The following IL1RAPL1 variants were observed in gnomAD, a reference collection of about 807,000 sequenced individuals.
The protein encoded by IL1RAPL1 is interleukin-1 receptor accessory protein-like 1.
IL1RAPL1 carries 3 observed loss-of-function variants against 48.4 expected under a neutral mutation model. That is an observed-to-expected ratio of 0.06 (90% CI 0.03 to 0.16). IL1RAPL1 has a LOEUF of 0.16. IL1RAPL1 is among the 10% of genes least tolerant of loss of function. The pLI is 1.00. For synonymous variants in IL1RAPL1, 185 were observed against 187.7 expected (o/e 0.99, Z 0.12); for missense variants, 349 against 530.6 (o/e 0.66, Z 3.36).
intron 2 of IL1RAPL1, among the ~76,000 whole-genome samples, chrX:28,974,503 T>A (rs5985934): frequency 9.0e-6 from 1 of 111,123 alleles, no homozygotes; most frequent in South Asian, 3.7e-4. Flanking sequence ...TCAAGAAACC[T>A]CTGTTAATCT....
At chrX:28,987,501 T>C (rs987112143) in intron 2 of IL1RAPL1, among the ~76,000 whole-genome samples, 2 of 111,718 alleles carry the variant, frequency 1.8e-5, no homozygotes, top group Non-Finnish European at 3.8e-5. Context: ...AACAGACACA[T>C]ATTTATACAC....
intron 2 of IL1RAPL1, among the ~76,000 whole-genome samples, chrX:29,144,517 C>T (rs1317652259): frequency 1.0e-5 from 1 of 99,400 alleles, no homozygotes; most frequent in East Asian, 3.3e-4. Context: ...GCAGGAGAAT[C>T]GCTTGAACCT....
At chrX:28,799,772 T>C (rs1049616182) in intron 2 of IL1RAPL1, among the ~76,000 whole-genome samples, 6 of 111,610 alleles carry the variant, frequency 5.4e-5, no homozygotes, top group South Asian at 7.4e-4. Flanking sequence ...TAGGATCTAG[T>C]GAGTGTTTGG....
At chrX:29,358,642 GCTAATTAAC>G (rs929114332) in intron 3 of IL1RAPL1, among the ~76,000 whole-genome samples, 8 of 110,410 alleles carry the variant, frequency 7.2e-5, no homozygotes, top group African/African-American at 2.3e-4. Context: ...ATTAAATCAA[GCTAATTAAC>G]ATATCCATCA....
At chrX:28,593,341 G>A (rs1400157665) in intron 1 of IL1RAPL1, among the ~76,000 whole-genome samples, 1 of 111,470 alleles carries the variant, frequency 9.0e-6, no homozygotes, top group Non-Finnish European at 1.9e-5. Context: ...TGTGAATAAA[G>A]CAAAGGGAGA....
rs191568104 is a variant in IL1RAPL1 at position 29,403,946 on chromosome X, A to G, written c.703+4638A>G. On this transcript the variant is annotated intron_variant, in intron 5 of 10. Coordinates refer to ENST00000378993, the MANE Select transcript of IL1RAPL1 (RefSeq NM_014271.4). Reference sequence around the variant, plus strand: ...GCCTTACAGACTTCACTCATTTCCAAAGTTGCTAAGGTCAGCACCTTTCCC... The same window carrying G: ...GCCTTACAGACTTCACTCATTTCCAGAGTTGCTAAGGTCAGCACCTTTCCC... Among the ~76,000 whole-genome samples, 3 of 112,351 alleles carry G rather than the reference A, an allele frequency of 2.7e-5. No individual in the cohort carries two copies. In the Admixed American group the frequency reaches 2.8e-4, roughly 11 times the overall value.
intron 1 of IL1RAPL1, among the ~76,000 whole-genome samples, chrX:28,758,817 A>G (rs1936133281): frequency 2.7e-5 from 3 of 112,228 alleles, no homozygotes; most frequent in South Asian, 3.7e-4. Flanking sequence ...GCACCCACCA[A>G]AAATGTCCTT....
chrX:29,291,860 A>G (rs1020934626), intron 3 of IL1RAPL1, among the ~76,000 whole-genome samples: 3 of 112,355 alleles, frequency 2.7e-5, no homozygotes, highest in African/African-American at 9.7e-5. Context: ...ATCTTCAGGA[A>G]AGATGCCCCT....
intron 2 of IL1RAPL1, among the ~76,000 whole-genome samples, chrX:28,986,185 A>C (rs1468564673): frequency 8.9e-6 from 1 of 111,824 alleles, no homozygotes; most frequent in Admixed American, 9.5e-5. Flanking sequence ...ACACTACAAC[A>C]ACCTCAAAGT....
chrX:29,468,697 C>A (rs1934889606), intron 5 of IL1RAPL1, among the ~76,000 whole-genome samples: 1 of 111,833 alleles, frequency 8.9e-6, no homozygotes, highest in Non-Finnish European at 1.9e-5. Context: ...TTTAAAAAAT[C>A]AAGATTAATA....
At chrX:29,412,499 T>C (rs901941299) in intron 5 of IL1RAPL1, among the ~76,000 whole-genome samples, 1 of 112,413 alleles carries the variant, frequency 8.9e-6, no homozygotes, top group Non-Finnish European at 1.9e-5. Context: ...AAAATATCTC[T>C]TTAGTAATTT....
intron 5 of IL1RAPL1, among the ~76,000 whole-genome samples, chrX:29,459,065 T>C (rs1934773338): frequency 8.9e-6 from 1 of 111,842 alleles, no homozygotes; most frequent in Non-Finnish European, 1.9e-5. Context: ...GTCCATAGTT[T>C]GCCAAACACT....
At chrX:28,676,523 A>G (rs916780759) in intron 1 of IL1RAPL1, among the ~76,000 whole-genome samples, 8 of 111,563 alleles carry the variant, frequency 7.2e-5, no homozygotes, top group Admixed American at 1.9e-4. Flanking sequence ...ACCTGAGGTC[A>G]GGAGTTTGAG....
chrX:29,258,270 CAT>C (rs1393092781), intron 2 of IL1RAPL1, among the ~76,000 whole-genome samples: 4 of 111,078 alleles, frequency 3.6e-5, no homozygotes, highest in African/African-American at 1.3e-4. Flanking sequence ...ACAAATATAA[CAT>C]ATCGAACAAT....
chrX:29,689,951 A>C (rs1926730903), intron 6 of IL1RAPL1, among the ~76,000 whole-genome samples: 1 of 111,916 alleles, frequency 8.9e-6, no homozygotes, highest in South Asian at 3.7e-4. Context: ...AGAATGAATA[A>C]GAGGAAGTAG....
At chrX:29,006,647 A>ATATGTGTGTG (rs1274128284) in intron 2 of IL1RAPL1, among the ~76,000 whole-genome samples, 29 of 76,931 alleles carry the variant, frequency 3.8e-4, no homozygotes, top group African/African-American at 1.1e-3. Context: ...GTTTATATAT[A>ATATGTGTGTG]TGTGTGTGTG....
intron 1 of IL1RAPL1, among the ~76,000 whole-genome samples, chrX:28,781,754 T>C (rs1409317732): frequency 1.8e-5 from 2 of 111,251 alleles, no homozygotes; most frequent in African/African-American, 3.3e-5. Context: ...GATGGATTTT[T>C]AGAAGCAGGA....
intron 2 of IL1RAPL1, among the ~76,000 whole-genome samples, chrX:28,927,911 T>G (rs1431913470): frequency 9.0e-6 from 1 of 111,602 alleles, no homozygotes; most frequent in East Asian, 2.8e-4. Flanking sequence ...GTCTTTAAAA[T>G]GCTAACTATA....
chrX:29,634,830 T>G (rs1325233374), intron 5 of IL1RAPL1, among the ~76,000 whole-genome samples: 1 of 111,848 alleles, frequency 8.9e-6, no homozygotes. Flanking sequence ...AAGACAGAGA[T>G]TTTTTAAAAA....
Sources: allele counts gnomAD v4.1 joint callset (sites outside exome capture counted in the v4.1 genomes callset), GRCh38; gene constraint gnomAD v4.1.1; transcripts MANE v1.5; gene names NCBI Gene and HGNC (gene_info 2026-07-23, HGNC 2026-07-21).